Variants in EHMT2 observed in about 807,000 individuals in gnomAD.
The protein encoded by EHMT2 is histone-lysine N-methyltransferase EHMT2.
Under a neutral mutation model 143.3 loss-of-function variants are expected in EHMT2, and 59 were observed. The ratio of observed to expected loss-of-function variants is 0.41; its 90% confidence interval spans 0.33 to 0.51. The LOEUF (loss-of-function observed/expected upper bound fraction) is 0.51. Among genes scored for constraint, EHMT2 ranks in the 20% least tolerant of loss-of-function variants. The pLI is 0.18. For synonymous variants in EHMT2, 604 were observed against 651.5 expected (o/e 0.93, Z 1.11); for missense variants, 1,174 against 1,645.9 (o/e 0.71, Z 4.96).
chr6:31,897,103 T>C, intron 1 of EHMT2, 114 bp from the exon 2 acceptor site: 1 of 1,445,378 alleles, frequency 6.9e-7, no homozygotes, highest in East Asian at 2.6e-5. Flanking sequence ...CCTCTTCCTC[T>C]GTGGGGCCCC....
rs928038330 is a variant in EHMT2, at chr6:31,885,350, C to T, written c.2344-334G>A. The T allele has an allele frequency of 3.1e-5, 6 of 195,444 alleles. No homozygotes were observed. The South Asian group carries it at 3.7e-4, about 12-fold the overall frequency. The allele number at this position is 195,444 out of a possible 1,614,324, so 12.1% of individuals were successfully genotyped here. On this transcript the variant is annotated intron_variant, in intron 18 of 27. Coordinates refer to ENST00000375537, the Ensembl canonical transcript of EHMT2. ...AAAATTAGCTGGGCGTGGTGGCAGG[C>T]GCCTGTAGTCCCAGCTACTAGGGAG...
At position 31,880,912 on chromosome 6, in the gene EHMT2, A is replaced by G. The variant is rs1764027559; in HGVS notation, c.3277-64T>C. 1 of 1,604,052 alleles carries G rather than the reference A, an allele frequency of 6.2e-7. No individual in the cohort carries two copies. The highest frequency in any genetic ancestry group is 1.4e-5 in the African/African-American group (1 of 73,598). On this transcript the variant is annotated intron_variant, in intron 26 of 27. Coordinates refer to ENST00000375537, the Ensembl canonical transcript of EHMT2. This position sits in a 1 kb window ranked among gnomAD's most constrained non-coding sequence, Gnocchi z 6.6. ...CCCTGCTTGCCCTCCCCACCCACTG[A>G]CTCCCCAGTCCCTCCTCCCCAGGTT...
At position 31,883,023 on chromosome 6, in the gene EHMT2, GGGA is replaced by G; in HGVS notation, c.2995-17_2995-15del. 6.2e-7 allele frequency: 1 copy of G among 1,610,372 alleles called. No individual in the cohort carries two copies. The highest frequency in any genetic ancestry group is 8.5e-7 in the Non-Finnish European group (1 of 1,178,080). On this transcript the variant is annotated splice_polypyrimidine_tract_variant and intron_variant, in intron 23 of 27. Transcript: ENST00000375537. The surrounding 1 kb of genome is among the most constrained non-coding windows in gnomAD (Gnocchi z 5.6). The stretch of plus-strand genomic sequence containing the variant: ...CAATCGCCCATCCTAGGGTGCGGAG[GGGA>G]GGATAGTGGTTTCTCTGTGGGGCCC...
At chr6:31,887,621 A>G in exon 15 of EHMT2, 2 of 1,613,046 alleles carry the variant, frequency 1.2e-6, no homozygotes, top group Non-Finnish European at 1.7e-6. Flanking sequence ...CTTCACGGAC[A>G]GGTACAACTG....
rs1013297408 is a variant in EHMT2, at chr6:31,883,204, A to G, written c.2994+158T>C. The G allele has an allele frequency of 2.3e-5, 21 of 900,736 alleles. No homozygotes were observed. In the African/African-American group the frequency reaches 3.5e-4, roughly 15 times the overall value. The allele number at this position is 900,736 out of a possible 1,614,324, so 55.8% of individuals were successfully genotyped here. ...CTGGGCACACGCCCATCGCTGTCCC[A>G]GCCACATCCCAGGATTCCCAGGCCT... On this transcript the variant is annotated intron_variant, in intron 23 of 27. Coordinates refer to ENST00000375537, the Ensembl canonical transcript of EHMT2. This position sits in a 1 kb window ranked among gnomAD's most constrained non-coding sequence, Gnocchi z 5.6.
Position 31,888,536 on chromosome 6 carries a change from A to AGCGTGAG in EHMT2, c.1366-37_1366-31dup, listed in dbSNP as rs759138196. ...GCGCAGTGAGGATGGGTGAGAAGAG[A>AGCGTGAG]GCGTGAGGCTGGGGCCGGGGACTGG... On this transcript the variant is annotated intron_variant, in intron 11 of 27. Transcript: ENST00000375537. This position sits in a 1 kb window ranked among gnomAD's most constrained non-coding sequence, Gnocchi z 7.4. 6.2e-7 allele frequency: 1 copy of AGCGTGAG among 1,610,348 alleles called. No homozygotes were observed. Among genetic ancestry groups the AGCGTGAG allele is most frequent in the South Asian group, 1.1e-5 (1 of 90,946 alleles).
exon 4 of EHMT2, chr6:31,896,307 C>T: frequency 1.9e-6 from 3 of 1,612,974 alleles, no homozygotes; most frequent in Non-Finnish European, 2.5e-6. Context: ...GCTCGGTGGA[C>T]CTTGGGCTGT....
At chr6:31,894,216 G>C (rs1030951376) in intron 4 of EHMT2, among the ~76,000 whole-genome samples, 1 of 151,758 alleles carries the variant, frequency 6.6e-6, no homozygotes, top group Non-Finnish European at 1.5e-5. Context: ...GCAGGATCTC[G>C]GCTAACTACA....
chr6:31,886,640 C>T, exon 18 of EHMT2: 12 of 1,613,762 alleles, frequency 7.4e-6, no homozygotes, highest in Non-Finnish European at 1.0e-5. Flanking sequence ...TCCAAGTTCC[C>T]GATTTTGGCT....
In EHMT2 at chr6:31,889,867, A is replaced by G. The variant is rs116084094; in HGVS notation, c.865-265T>C. 8.8e-3 allele frequency among the ~76,000 whole-genome samples: 1,344 copies of G among 152,332 alleles called. 20 individuals carry two copies. Among genetic ancestry groups the G allele is most frequent in the African/African-American group, 0.031 (1,288 of 41,564 alleles). On this transcript the variant is annotated intron_variant, in intron 7 of 27. Coordinates refer to ENST00000375537, the Ensembl canonical transcript of EHMT2. This position sits in a 1 kb window ranked among gnomAD's most constrained non-coding sequence, Gnocchi z 5.1. ...AAACAAAAAGCAAGTACCAGAAGAT[A>G]AACATACTTTGATACCCCTTTTATG...
At chr6:31,887,444 C>G in intron 15 of EHMT2, 133 bp downstream of exon 15, 2 of 788,608 alleles carry the variant, frequency 2.5e-6, no homozygotes, top group Admixed American at 2.3e-5. Flanking sequence ...TTACATGTGT[C>G]TTTTCCCCAC....
chr6:31,895,968 G>A (rs1018179479), intron 4 of EHMT2: 25 of 346,036 alleles, frequency 7.2e-5, no homozygotes, highest in Middle Eastern at 7.3e-4. Context: ...CTTTGAGGTA[G>A]AAAGGAAGAG....
rs1373496115 is a variant in EHMT2 at position 31,884,317 on chromosome 6, G to A, written c.2771+75C>T. 1 of 1,510,502 alleles carries A rather than the reference G, an allele frequency of 6.6e-7. No individual in the cohort carries two copies. Among genetic ancestry groups the A allele is most frequent in the Non-Finnish European group, 8.9e-7 (1 of 1,118,388 alleles). 93.6% of individuals were successfully genotyped at this position (1,510,502 alleles called of 1,614,324 possible). A position where few individuals can be genotyped will look rare whatever the true frequency, so the allele number is the denominator to read the frequency against. ...GGGGAGGGGTTGGGGAATGTTGTGA[G>A]GATGCAATGGAGCCTGGGGAGGGTA... is the stretch of plus-strand genomic sequence containing the variant. On this transcript the variant is annotated intron_variant, in intron 21 of 27. Transcript: ENST00000375537. This position sits in a 1 kb window ranked among gnomAD's most constrained non-coding sequence, Gnocchi z 7.3.
chr6:31,880,290 G>A lies in EHMT2; in HGVS notation c.3453-26C>T, dbSNP rs778313618. Reference sequence around the variant, plus strand: ...CTGTCAGAGGAAAACAGGAGCTTGTGGGACCTGGACCCAGCCACCAAGAGC... The same window carrying A: ...CTGTCAGAGGAAAACAGGAGCTTGTAGGACCTGGACCCAGCCACCAAGAGC... On this transcript the variant is annotated intron_variant, in intron 27 of 27. Coordinates refer to ENST00000375537, the Ensembl canonical transcript of EHMT2. The surrounding 1 kb of genome is among the most constrained non-coding windows in gnomAD (Gnocchi z 6.6). 5.6e-6 allele frequency: 9 copies of A among 1,602,756 alleles called. No homozygotes were observed. The highest frequency in any genetic ancestry group is 1.1e-5 in the South Asian group (1 of 90,820).
In EHMT2 at chr6:31,884,247, G is replaced by A; in HGVS notation, c.2771+145C>T. The A allele has an allele frequency of 1.0e-6, 1 of 971,174 alleles. No homozygotes were observed. The highest frequency in any genetic ancestry group is 1.6e-5 in the African/African-American group (1 of 61,250). The allele number at this position is 971,174 out of a possible 1,614,324, so 60.2% of individuals were successfully genotyped here. The stretch of plus-strand genomic sequence containing the variant: ...TTATTTGCTGTATCTGGCAACCCTA[G>A]TGGGGAGGGGGCCTGTGGGTGGTTC... On this transcript the variant is annotated intron_variant, in intron 21 of 27. Coordinates refer to ENST00000375537, the Ensembl canonical transcript of EHMT2. This position sits in a 1 kb window ranked among gnomAD's most constrained non-coding sequence, Gnocchi z 7.3.
exon 7 of EHMT2, chr6:31,892,460 T>C: frequency 5.6e-6 from 9 of 1,613,006 alleles, no homozygotes; most frequent in Non-Finnish European, 7.6e-6. Flanking sequence ...TAGTAGAGAC[T>C]GAAGTCATCA....
Position 31,884,956 on chromosome 6 carries a change from G to T in EHMT2, c.2404C>A (p.Arg802Ser). The change falls in exon 19 of 28, where the codon CGC becomes AGC. Residue 802 changes from arginine (R) to serine (S), a missense_variant. Coordinates refer to ENST00000375537, the Ensembl canonical transcript of EHMT2. This position sits in a 1 kb window ranked among gnomAD's most constrained non-coding sequence, Gnocchi z 7.3. ...TCGGCGCCCCGCGTCAGTAGCATGC[G>T]GATCACCTCGATGTGCTTGTGCTCT... 6.2e-7 allele frequency: 1 copy of T among 1,610,906 alleles called. No homozygotes were observed. Among genetic ancestry groups the T allele is most frequent in the Middle Eastern group, 1.7e-4 (1 of 6,056 alleles).
chr6:31,895,956 T>G (rs1365197776), intron 4 of EHMT2: 6 of 320,660 alleles, frequency 1.9e-5, no homozygotes, highest in Non-Finnish European at 2.8e-5. Flanking sequence ...CCCAAGGGCT[T>G]GCTTTGAGGT....
chr6:31,893,365 G>T lies in EHMT2; in HGVS notation c.583-455C>A, dbSNP rs753424997. ...AGATAAGGTCTCATTCTGTTACCCA[G>T]GATGGAGTGCAGTGGCATGACTATG... On this transcript the variant is annotated intron_variant, in intron 4 of 27. Coordinates refer to ENST00000375537, the Ensembl canonical transcript of EHMT2. The T allele has an allele frequency of 5.8e-5, 26 of 448,050 alleles. 1 individual carries two copies. Among genetic ancestry groups the T allele is most frequent in the South Asian group, 4.1e-4 (26 of 63,018 alleles). The allele number at this position is 448,050 out of a possible 1,614,324, so 27.8% of individuals were successfully genotyped here. A position where few individuals can be genotyped will look rare whatever the true frequency, so the allele number is the denominator to read the frequency against.
Sources: allele counts gnomAD v4.1 joint callset (sites outside exome capture counted in the v4.1 genomes callset), GRCh38; gene constraint gnomAD v4.1.1; non-coding constraint Gnocchi (gnomAD v3.1); transcripts MANE v1.5; gene names NCBI Gene and HGNC (gene_info 2026-07-23, HGNC 2026-07-21).